The following PI4KA variants were observed in gnomAD, a reference collection of about 807,000 sequenced individuals.
PI4KA encodes the protein phosphatidylinositol 4-kinase alpha.
In PI4KA, 122 loss-of-function variants were observed where a neutral mutation model predicts 271.4. That is an observed-to-expected ratio of 0.45 (90% CI 0.39 to 0.52). PI4KA has a LOEUF of 0.52. Among genes scored for constraint, PI4KA ranks in the 20% least tolerant of loss-of-function variants. PI4KA has a pLI of 0.00. For missense variants in PI4KA, 1,969 were observed against 2,769.1 expected, an observed-to-expected ratio of 0.71 and a Z score of 6.48; for synonymous variants, 1,041 against 1,078.8, an observed-to-expected ratio of 0.96 and a Z score of 0.69.
intron 19 of PI4KA, among the ~76,000 whole-genome samples, chr22:20,782,384 G>A (rs752650832): frequency 2.2e-4 from 34 of 152,260 alleles, no homozygotes; most frequent in East Asian, 1.3e-3. Flanking sequence ...ACTCAATGCC[G>A]GGCATCACAA....
rs2629351 is a variant in PI4KA at position 20,712,642 on chromosome 22, T to C, written c.5677-31A>G. Reference sequence around the variant, plus strand: ...AGGAAAGGCCAGTTCTGAGGCCCGCTGGGTGCGAGGTGCCCAGGGCTGCCC... The same window carrying C: ...AGGAAAGGCCAGTTCTGAGGCCCGCCGGGTGCGAGGTGCCCAGGGCTGCCC... On this transcript the variant is annotated intron_variant, in intron 49 of 54. Coordinates refer to ENST00000255882, the MANE Select transcript of PI4KA (RefSeq NM_058004.4). The C allele has an allele frequency of 0.36, 435,901 of 1,203,002 alleles. 142,562 individuals carry two copies. Among genetic ancestry groups the C allele is most frequent in the African/African-American group, 0.54 (35,002 of 64,428 alleles). 74.5% of individuals were successfully genotyped at this position (1,203,002 alleles called of 1,614,324 possible).
intron 2 of PI4KA, among the ~76,000 whole-genome samples, chr22:20,836,031 G>A (rs1312868415): frequency 1.3e-5 from 2 of 150,420 alleles, no homozygotes; most frequent in East Asian, 1.9e-4. Flanking sequence ...CAGCCTGGGC[G>A]ACAGAGAGAG....
chr22:20,711,387 G>T lies in PI4KA; in HGVS notation c.5877C>A (p.His1959Gln). 7.2e-7 allele frequency: 1 copy of T among 1,396,874 alleles called. No homozygotes were observed. Among genetic ancestry groups the T allele is most frequent in the Non-Finnish European group, 9.9e-7 (1 of 1,007,354 alleles). The allele number at this position is 1,396,874 out of a possible 1,614,324, so 86.5% of individuals were successfully genotyped here. A position where few individuals can be genotyped will look rare whatever the true frequency, so the allele number is the denominator to read the frequency against. Reference protein sequence around the residue: ...LLFLLQIKDRHNGNIMLDKKG... With the variant: ...LLFLLQIKDRQNGNIMLDKKG... ...TCTTGTCCAGCATAATGTTGCCGTT[G>T]TGTCTGTCCTTGATCTGCAGCAGGA... is the stretch of plus-strand genomic sequence containing the variant. Residue 1959 changes from histidine to glutamine, a missense_variant, in exon 51 of 55, where the codon CAC becomes CAA. Physicochemically the swap from His to Gln is conservative, Grantham distance 24 (BLOSUM62 0). Around this residue, in one of 13 missense-constraint regions of PI4KA, gnomAD observed 110 missense variants for 349.8 expected, o/e 0.31. Transcript: ENST00000255882.
chr22:20,797,647 T>C (rs1935061717), intron 17 of PI4KA, among the ~76,000 whole-genome samples: 1 of 152,158 alleles, frequency 6.6e-6, no homozygotes, highest in Admixed American at 6.5e-5. Context: ...CTTTCACATA[T>C]GCAATCTCAT....
chr22:20,739,839 C>T (rs1448485620), intron 32 of PI4KA, among the ~76,000 whole-genome samples: 1 of 151,900 alleles, frequency 6.6e-6, no homozygotes, highest in Non-Finnish European at 1.5e-5. Flanking sequence ...GAGGCAGGTG[C>T]ATCACCTGCG....
chr22:20,817,293 C>T (rs1367922817), intron 7 of PI4KA, among the ~76,000 whole-genome samples: 2 of 152,114 alleles, frequency 1.3e-5, no homozygotes, highest in African/African-American at 2.4e-5. Flanking sequence ...ATTCTGCCTT[C>T]CCCATTTGCT....
At chr22:20,765,351 G>A (rs1932426249) in intron 20 of PI4KA, 115 bp from the exon 21 acceptor site, 4 of 1,161,294 alleles carry the variant, frequency 3.4e-6, no homozygotes, top group Non-Finnish European at 4.9e-6. Context: ...CCAAAAACTA[G>A]GCACAGAAAC....
chr22:20,826,534 T>C (rs1295456997), intron 3 of PI4KA, among the ~76,000 whole-genome samples: 1 of 152,194 alleles, frequency 6.6e-6, no homozygotes, highest in African/African-American at 2.4e-5. Context: ...ATCTTTACAG[T>C]AGAATGATTT....
At chr22:20,751,804 G>T in intron 25 of PI4KA, 49 bp from the exon 26 acceptor site, 1 of 1,545,484 alleles carries the variant, frequency 6.5e-7, no homozygotes, top group Non-Finnish European at 8.9e-7. Flanking sequence ...CTCCAAGGAA[G>T]GTCTGCTTCT....
At chr22:20,719,685 T>A (rs1348919284) in intron 43 of PI4KA, among the ~76,000 whole-genome samples, 1 of 152,122 alleles carries the variant, frequency 6.6e-6, no homozygotes. Flanking sequence ...TGAAACATTT[T>A]TTTGGAAAAC....
At position 20,727,192 on chromosome 22, in the gene PI4KA, T is replaced by C. The variant is rs199765690; in HGVS notation, c.4941+38A>G. 531 of 1,588,590 alleles carry C rather than the reference T, an allele frequency of 3.3e-4. No individual in the cohort carries two copies. The African/African-American group carries it at 6.7e-3, about 20-fold the overall frequency. ...CACCAGGTAAGACCCCTCCCAACAG[T>C]CCTACCAGAGGCCAGCTCAGCAGGG... On this transcript the variant is annotated intron_variant, in intron 41 of 54. Coordinates refer to ENST00000255882, the MANE Select transcript of PI4KA (RefSeq NM_058004.4).
chr22:20,753,750 G>C (rs1227734332), intron 23 of PI4KA, among the ~76,000 whole-genome samples: 1 of 151,966 alleles, frequency 6.6e-6, no homozygotes, highest in Non-Finnish European at 1.5e-5. Flanking sequence ...GTGGTGGCGC[G>C]ATCTTGGCTC....
At chr22:20,716,967 C>G (rs1354784716) in intron 45 of PI4KA, among the ~76,000 whole-genome samples, 1 of 152,096 alleles carries the variant, frequency 6.6e-6, no homozygotes, top group African/African-American at 2.4e-5. Flanking sequence ...AGAGAGAGGC[C>G]GGGCACAGTG....
chr22:20,818,443 A>T (rs1922130742), intron 7 of PI4KA, 40 bp downstream of exon 7: 1 of 1,479,070 alleles, frequency 6.8e-7, no homozygotes, highest in East Asian at 2.4e-5. Context: ...CTGTTCTCCA[A>T]GTATTACGTC....
chr22:20,802,522 G>A (rs1185761383), intron 13 of PI4KA, among the ~76,000 whole-genome samples: 1 of 152,098 alleles, frequency 6.6e-6, no homozygotes, highest in African/African-American at 2.4e-5. Context: ...CCACTACGGG[G>A]TTCAGGGAAG....
intron 19 of PI4KA, among the ~76,000 whole-genome samples, chr22:20,791,873 G>A (rs1489153885): frequency 6.6e-6 from 1 of 152,198 alleles, no homozygotes; most frequent in African/African-American, 2.4e-5. Context: ...GGCCAAGGCG[G>A]GTGGATCACT....
At chr22:20,763,521 G>T (rs1932217879) in intron 22 of PI4KA, among the ~76,000 whole-genome samples, 1 of 149,158 alleles carries the variant, frequency 6.7e-6, no homozygotes, top group African/African-American at 2.5e-5. Flanking sequence ...CTCACTACAA[G>T]CTCCACCTCC....
intron 19 of PI4KA, 96 bp downstream of exon 19, chr22:20,793,097 G>T: frequency 1.2e-6 from 1 of 802,728 alleles, no homozygotes. Flanking sequence ...CCTCAACACT[G>T]CACCTTTCTA....
Position 20,762,926 on chromosome 22 carries a change from G to A in PI4KA, c.2709-1540C>T, listed in dbSNP as rs554375427. 8.8e-5 allele frequency among the ~76,000 whole-genome samples: 13 copies of A among 148,254 alleles called. No homozygotes were observed. In the South Asian group the frequency reaches 2.5e-3, roughly 29 times the overall value. On this transcript the variant is annotated intron_variant, in intron 22 of 54. Coordinates refer to ENST00000255882, the MANE Select transcript of PI4KA (RefSeq NM_058004.4). ...GCTCACTGCAGCCTCAACCTCCTAG[G>A]CTTAAGCAACCCCCTTGCCTCAGTC...
Sources: allele counts gnomAD v4.1 joint callset (sites outside exome capture counted in the v4.1 genomes callset), GRCh38; gene constraint gnomAD v4.1.1; regional missense constraint gnomAD v4.1.1; transcripts MANE v1.5; gene names NCBI Gene and HGNC (gene_info 2026-07-23, HGNC 2026-07-21).